RIMS3: variants seen among roughly 807,000 people sequenced by gnomAD.
RIMS3 encodes regulating synaptic membrane exocytosis protein 3.
Under a neutral mutation model 29.2 loss-of-function variants are expected in RIMS3, and 15 were observed. The observed-to-expected ratio is 0.51, with a 90% CI of 0.34 to 0.79. The LOEUF (loss-of-function observed/expected upper bound fraction) is 0.79, where lower values mean the gene tolerates loss of function less well. Ranked by LOEUF, RIMS3 falls within the 30% of genes least tolerant of loss-of-function variation. The probability of loss-of-function intolerance (pLI) is 0.01; values close to 1 mark genes in which losing one functional copy is unlikely to be tolerated. For missense variants in RIMS3, 342 were observed against 421.4 expected (o/e 0.81, Z 1.65); for synonymous variants, 161 against 170.1 (o/e 0.95, Z 0.41).
chr1:40,639,008 G>A (rs755577609), intron 3 of RIMS3, among the ~76,000 whole-genome samples: 18 of 152,188 alleles, frequency 1.2e-4, no homozygotes, highest in Non-Finnish European at 1.9e-4. Flanking sequence ...GAGGAGGGTG[G>A]TGCAATCGTC....
the RIMS3 span, among the ~76,000 whole-genome samples, chr1:40,689,225 A>G: frequency 6.6e-6 from 1 of 152,218 alleles, no homozygotes; most frequent in Non-Finnish European, 1.5e-5. Context: ...AGGAAAGATA[A>G]TATGGCAAAA....
chr1:40,658,925 G>C (rs1642310318), intron 1 of RIMS3, among the ~76,000 whole-genome samples: 1 of 152,196 alleles, frequency 6.6e-6, no homozygotes, highest in Admixed American at 6.5e-5. Flanking sequence ...ATTAAGACAA[G>C]AGAGAAGCTG....
At position 40,662,000 on chromosome 1, in the gene RIMS3, A is replaced by G. The variant is rs186315245; in HGVS notation, c.-207+3394T>C. Among the ~76,000 whole-genome samples, 400 of 152,302 alleles carry G rather than the reference A, an allele frequency of 2.6e-3. 2 individuals are homozygous for G. Among genetic ancestry groups the G allele is most frequent in the African/African-American group, 9.1e-3 (379 of 41,560 alleles). ...CCACATAAACAACCGGTTCCCTGGGACCGAGGCTGCTGCACAGGGAAAAGG... is the reference window on the plus strand; with the variant it reads ...CCACATAAACAACCGGTTCCCTGGGGCCGAGGCTGCTGCACAGGGAAAAGG... On this transcript the variant is annotated intron_variant, in intron 1 of 7. Transcript: ENST00000372684.
intron 2 of RIMS3, among the ~76,000 whole-genome samples, chr1:40,642,971 T>A (rs925909267): frequency 2.0e-5 from 3 of 149,028 alleles, no homozygotes; most frequent in Non-Finnish European, 4.5e-5. Context: ...AAAAAAAAAA[T>A]ATTATATCAT....
chr1:40,626,944 A>G (rs1325956784), intron 7 of RIMS3, among the ~76,000 whole-genome samples: 1 of 152,238 alleles, frequency 6.6e-6, no homozygotes, highest in East Asian at 1.9e-4. Flanking sequence ...TTGTTATAAC[A>G]AGCCATGTAG....
intron 2 of RIMS3, among the ~76,000 whole-genome samples, chr1:40,646,507 C>T (rs1646596799): frequency 6.6e-6 from 1 of 152,172 alleles, no homozygotes; most frequent in South Asian, 2.1e-4. Context: ...CCTTTCTCAG[C>T]CCAGGTCATG....
chr1:40,633,036 T>A (rs1646498874), intron 5 of RIMS3, 33 bp downstream of exon 5: 1 of 1,555,538 alleles, frequency 6.4e-7, no homozygotes, highest in African/African-American at 1.4e-5. Context: ...TGGTCACCAT[T>A]ACCCCACTCA....
chr1:40,686,537 G>A, the RIMS3 span, among the ~76,000 whole-genome samples: 1 of 152,090 alleles, frequency 6.6e-6, no homozygotes, highest in Non-Finnish European at 1.5e-5. Context: ...GGTGCCTGTA[G>A]TCCCACATAC....
the RIMS3 span, among the ~76,000 whole-genome samples, chr1:40,686,362 C>G: frequency 6.6e-6 from 1 of 151,990 alleles, no homozygotes; most frequent in East Asian, 1.9e-4. Context: ...ATATTAAACA[C>G]CTTAATTTGG....
Position 40,626,610 on chromosome 1 carries a change from G to A in RIMS3, c.834C>T (p.Pro278=), listed in dbSNP as rs751068795. The A allele has an allele frequency of 1.9e-6, 3 of 1,614,120 alleles. No homozygotes were observed. The highest frequency in any genetic ancestry group is 2.2e-5 in the East Asian group (1 of 44,878). The change falls in exon 8 of 8, where the codon CCC becomes CCT. Residue 278 remains proline (P), a synonymous_variant. Coordinates refer to ENST00000372684, the MANE Select transcript of RIMS3 (RefSeq NM_014747.3). ...GTGTGGAGTCTGCCACTGAGGAGGT[G>A]GGGAAGAGTTTGTACCAGCCGGTGA... is the stretch of plus-strand genomic sequence containing the variant. ...AAVTGWYKLF[P]TSSVADSTLG... is the part of the protein sequence containing the mutation.
chr1:40,685,092 G>T, the RIMS3 span, among the ~76,000 whole-genome samples: 1 of 151,890 alleles, frequency 6.6e-6, no homozygotes, highest in South Asian at 2.1e-4. Context: ...GAGGTACTGG[G>T]CCAAGATGTG....
At chr1:40,673,669 G>A in the RIMS3 span, among the ~76,000 whole-genome samples, 47,521 of 152,122 alleles carry the variant, frequency 0.31, 8,104 homozygotes, top group East Asian at 0.42. Context: ...GCTTGCTCAT[G>A]ATGAGCTCAG....
intron 1 of RIMS3, among the ~76,000 whole-genome samples, chr1:40,659,217 G>A (rs1389246728): frequency 1.3e-5 from 2 of 152,180 alleles, no homozygotes; most frequent in East Asian, 3.9e-4. Flanking sequence ...AAGTGCAGAT[G>A]CACAGAGACC....
Position 40,636,584 on chromosome 1 carries a change from C to T in RIMS3, c.218-527G>A, listed in dbSNP as rs1428571828. On this transcript the variant is annotated intron_variant, in intron 3 of 7. Transcript: ENST00000372684. This position sits in a 1 kb window ranked among gnomAD's most constrained non-coding sequence, Gnocchi z 4.2. ...GGAAAGCCCCCATGGGAAGCCTGGC[C>T]ACTCTCAAACAAACCCACCTTCTCT... Among the ~76,000 whole-genome samples, 1 of 152,186 alleles carries T rather than the reference C, an allele frequency of 6.6e-6. No individual in the cohort carries two copies. Among genetic ancestry groups the T allele is most frequent in the East Asian group, 1.9e-4 (1 of 5,192 alleles).
the RIMS3 span, among the ~76,000 whole-genome samples, chr1:40,678,429 A>T: frequency 6.6e-6 from 1 of 152,082 alleles, no homozygotes; most frequent in Non-Finnish European, 1.5e-5. Flanking sequence ...CAAAAAAAGG[A>T]AGGTAATAGT....
Position 40,636,214 on chromosome 1 carries a change from C to T in RIMS3, c.218-157G>A, listed in dbSNP as rs1331073916. 6.6e-6 allele frequency among the ~76,000 whole-genome samples: 1 copy of T among 152,162 alleles called. No homozygotes were observed. The highest frequency in any genetic ancestry group is 1.5e-5 in the Non-Finnish European group (1 of 68,022). Reference sequence around the variant, plus strand: ...GGAGGCAGGGGCATGGCTGAGCTGACCTCAGAGCTGGTCTGCAGCCTGACA... The same window carrying T: ...GGAGGCAGGGGCATGGCTGAGCTGATCTCAGAGCTGGTCTGCAGCCTGACA... On this transcript the variant is annotated intron_variant, in intron 3 of 7. Transcript: ENST00000372684. The surrounding 1 kb of genome is among the most constrained non-coding windows in gnomAD (Gnocchi z 4.2).
intron 1 of RIMS3, among the ~76,000 whole-genome samples, chr1:40,652,613 C>T (rs60941052): frequency 0.13 from 19,297 of 152,116 alleles, 1,342 homozygotes; most frequent in African/African-American, 0.16. Flanking sequence ...CAGAGGCTGG[C>T]GAACACAGCA....
chr1:40,683,018 C>A, the RIMS3 span, among the ~76,000 whole-genome samples: 5 of 151,956 alleles, frequency 3.3e-5, no homozygotes, highest in African/African-American at 7.3e-5. Context: ...AGTCACTGTG[C>A]CTGGCTGAAC....
chr1:40,661,500 G>A (rs1179985453), intron 1 of RIMS3, among the ~76,000 whole-genome samples: 2 of 152,186 alleles, frequency 1.3e-5, no homozygotes, highest in African/African-American at 2.4e-5. Flanking sequence ...GGTGTCAGCA[G>A]AACATTAAGT....
Sources: gnomAD v4.1 joint callset for allele counts (sites outside exome capture counted in the v4.1 genomes callset) on GRCh38, gnomAD v4.1.1 for gene constraint, Gnocchi (gnomAD v3.1) non-coding constraint, MANE v1.5 for transcripts, NCBI Gene and HGNC (gene_info 2026-07-23, HGNC 2026-07-21) for gene names.